The following WWOX variants were observed in gnomAD, a reference collection of about 807,000 sequenced individuals.
WWOX encodes the protein WW domain-containing oxidoreductase.
In WWOX, 69 loss-of-function variants were observed where a neutral mutation model predicts 46.2. The ratio of observed to expected loss-of-function variants is 1.49; its 90% CI spans 1.23 to 1.82. The LOEUF is 1.82. Among genes scored for constraint, WWOX ranks in the 40% most tolerant of loss-of-function variants. The pLI, the probability that WWOX is intolerant of heterozygous loss-of-function variation, is 0.00. For missense variants in WWOX, 919 were observed against 542.6 expected (o/e 1.69, Z -6.89); for synonymous variants, 359 against 202.6 (o/e 1.77, Z -6.56).
intron 5 of WWOX, among the ~76,000 whole-genome samples, chr16:78,218,471 G>C (rs147337372): frequency 1.3e-5 from 2 of 152,248 alleles, no homozygotes; most frequent in African/African-American, 4.8e-5. Context: ...GTGTGAGGAT[G>C]CCAGGAGGCT....
At chr16:78,393,380 G>A (rs1176942504) in intron 6 of WWOX, among the ~76,000 whole-genome samples, 1 of 152,154 alleles carries the variant, frequency 6.6e-6, no homozygotes, top group Non-Finnish European at 1.5e-5. Flanking sequence ...GTTTATGGCT[G>A]GGCGCAATGG....
At chr16:78,898,856 A>T (rs1395059570) in intron 8 of WWOX, 1 of 152,078 alleles carries the variant, frequency 6.6e-6, no homozygotes, top group Non-Finnish European at 1.5e-5. Context: ...ACTCTTACAC[A>T]TTTGATTTTT....
At chr16:78,715,727 T>C (rs1412803831) in intron 8 of WWOX, among the ~76,000 whole-genome samples, 2 of 152,216 alleles carry the variant, frequency 1.3e-5, no homozygotes, top group African/African-American at 4.8e-5. Context: ...TCTATCCACC[T>C]TGGCCTCCCC....
At chr16:78,250,939 A>G (rs1828533368) in intron 5 of WWOX, among the ~76,000 whole-genome samples, 1 of 152,182 alleles carries the variant, frequency 6.6e-6, no homozygotes, top group Non-Finnish European at 1.5e-5. Context: ...GTTCCACGGG[A>G]CAGGCATGGG....
rs950569011 is a variant in WWOX at position 78,359,583 on chromosome 16, T to C, written c.517-27277T>C. ...AGAATATGAGTTTTTCAGCATCTTA[T>C]AGCTTATGAGTTAAAGCAAGATTTA... On this transcript the variant is annotated intron_variant, in intron 5 of 8. Coordinates refer to ENST00000566780, the MANE Select transcript of WWOX (RefSeq NM_016373.4). Among the ~76,000 whole-genome samples the C allele has an allele frequency of 3.3e-5, 5 of 152,344 alleles. No individual in the cohort carries two copies. The South Asian group carries it at 8.3e-4, about 25-fold the overall frequency.
chr16:78,645,609 C>T (rs920914137), intron 8 of WWOX, among the ~76,000 whole-genome samples: 1 of 151,942 alleles, frequency 6.6e-6, no homozygotes, highest in African/African-American at 2.4e-5. Flanking sequence ...AGAAAGGGAG[C>T]AAGAGAGGGG....
chr16:78,157,838 G>T (rs947102595), intron 4 of WWOX, among the ~76,000 whole-genome samples: 37 of 152,192 alleles, frequency 2.4e-4, no homozygotes, highest in African/African-American at 8.7e-4. Flanking sequence ...TAGTCATAGT[G>T]ACTGTGCTGG....
intron 8 of WWOX, among the ~76,000 whole-genome samples, chr16:78,509,095 C>G (rs977444192): frequency 6.6e-6 from 1 of 152,228 alleles, no homozygotes; most frequent in African/African-American, 2.4e-5. Flanking sequence ...TGCAGTGAGG[C>G]CCTCCCTTCG....
chr16:78,260,812 C>A (rs957928436), intron 5 of WWOX, among the ~76,000 whole-genome samples: 3 of 149,560 alleles, frequency 2.0e-5, no homozygotes, highest in Non-Finnish European at 4.4e-5. Flanking sequence ...GGTGGCGTGC[C>A]TGTAATCCCA....
chr16:78,494,532 C>T (rs1319171985), intron 8 of WWOX, among the ~76,000 whole-genome samples: 1 of 152,178 alleles, frequency 6.6e-6, no homozygotes, highest in Non-Finnish European at 1.5e-5. Flanking sequence ...AATAAAACTT[C>T]TGTGCTTTTT....
intron 5 of WWOX, among the ~76,000 whole-genome samples, chr16:78,379,679 C>CT (rs2081911698): frequency 6.6e-6 from 1 of 152,168 alleles, no homozygotes; most frequent in Non-Finnish European, 1.5e-5. Flanking sequence ...AGACCAACTA[C>CT]TTGGGTTCAC....
chr16:78,441,363 C>T (rs140229563), intron 8 of WWOX, among the ~76,000 whole-genome samples: 1 of 152,164 alleles, frequency 6.6e-6, no homozygotes, highest in Non-Finnish European at 1.5e-5. Flanking sequence ...GGTGCTGAAT[C>T]AGTGAGAGTC....
chr16:78,496,687 C>G (rs1039634975), intron 8 of WWOX, among the ~76,000 whole-genome samples: 2 of 152,168 alleles, frequency 1.3e-5, no homozygotes, highest in African/African-American at 2.4e-5. Context: ...TCAGGTGTCC[C>G]TTTAGACAAC....
intron 8 of WWOX, among the ~76,000 whole-genome samples, chr16:79,027,867 G>A (rs957962086): frequency 5.3e-5 from 8 of 151,862 alleles, no homozygotes; most frequent in Non-Finnish European, 1.5e-5. Flanking sequence ...AACAGCACGT[G>A]TCTTAGGCTT....
intron 8 of WWOX, among the ~76,000 whole-genome samples, chr16:79,169,583 A>G (rs1029480040): frequency 7.9e-5 from 12 of 152,198 alleles, no homozygotes; most frequent in Admixed American, 7.9e-4. Flanking sequence ...GGGAAGAGGA[A>G]TTTTGAGAAT....
chr16:78,901,638 CCACCACG>C (rs1236014478), intron 8 of WWOX, among the ~76,000 whole-genome samples: 26 of 152,198 alleles, frequency 1.7e-4, no homozygotes, highest in African/African-American at 5.5e-4. Flanking sequence ...CAGGCATGGG[CCACCACG>C]CTGGGTTAGT....
At chr16:78,759,402 C>T (rs1597562866) in intron 8 of WWOX, among the ~76,000 whole-genome samples, 2 of 152,150 alleles carry the variant, frequency 1.3e-5, no homozygotes, top group South Asian at 2.1e-4. Context: ...TCTGCTTTTT[C>T]TTCTCTCACT....
chr16:78,934,351 A>AAAAAAAAAAAAAAAAAAG (rs60762741), intron 8 of WWOX, among the ~76,000 whole-genome samples: 1 of 147,938 alleles, frequency 6.8e-6, no homozygotes, highest in Non-Finnish European at 1.5e-5. Flanking sequence ...AAAAAAAAAA[A>AAAAAAAAAAAAAAAAAAG]GAAGAAACTT....
intron 8 of WWOX, among the ~76,000 whole-genome samples, chr16:78,818,919 G>C (rs1317586767): frequency 6.6e-6 from 1 of 152,232 alleles, no homozygotes; most frequent in South Asian, 2.1e-4. Flanking sequence ...GCAGAGTCAG[G>C]AAACCTAGAC....
Sources: allele counts gnomAD v4.1 joint callset (sites outside exome capture counted in the v4.1 genomes callset), GRCh38; gene constraint gnomAD v4.1.1; transcripts MANE v1.5; gene names NCBI Gene and HGNC (gene_info 2026-07-23, HGNC 2026-07-21).